AUTS2: variants seen among roughly 807,000 people sequenced by gnomAD.
The protein encoded by AUTS2 is activator of transcription and developmental regulator AUTS2, also known as autism susceptibility gene 2 protein.
Under a neutral mutation model 112.4 loss-of-function variants are expected in AUTS2, and 17 were observed. That is an observed-to-expected ratio of 0.15 (90% CI 0.10 to 0.23). The LOEUF is 0.23. Among genes scored for constraint, AUTS2 ranks in the 10% least tolerant of loss-of-function variants. AUTS2 has a pLI of 1.00. For synonymous variants in AUTS2, 751 were observed against 702.7 expected (o/e 1.07, Z -1.09); for missense variants, 1,510 against 1,701.6 (o/e 0.89, Z 1.98).
chr7:70,565,882 G>A (rs1239248586), intron 5 of AUTS2, among the ~76,000 whole-genome samples: 1 of 152,160 alleles, frequency 6.6e-6, no homozygotes, highest in Non-Finnish European at 1.5e-5. Context: ...CAATAGACAA[G>A]CAAGTTCAAG....
intron 1 of AUTS2, among the ~76,000 whole-genome samples, chr7:69,797,261 G>A (rs1167702274): frequency 6.6e-6 from 1 of 152,096 alleles, no homozygotes; most frequent in African/African-American, 2.4e-5. Context: ...ACTGCTTTGT[G>A]CTTGAGTATT....
At chr7:70,404,026 A>G (rs888837717) in intron 4 of AUTS2, among the ~76,000 whole-genome samples, 10 of 152,230 alleles carry the variant, frequency 6.6e-5, no homozygotes, top group Non-Finnish European at 1.5e-4. Context: ...GAAAAAGAGA[A>G]TTTGAATGTC....
chr7:69,804,246 A>C (rs1790206583), intron 1 of AUTS2, among the ~76,000 whole-genome samples: 1 of 152,154 alleles, frequency 6.6e-6, no homozygotes, highest in Admixed American at 6.5e-5. Context: ...GTGAAACCAT[A>C]ACACACATAT....
At chr7:70,034,869 A>G (rs1053263922) in intron 2 of AUTS2, among the ~76,000 whole-genome samples, 3 of 152,128 alleles carry the variant, frequency 2.0e-5, no homozygotes, top group Non-Finnish European at 2.9e-5. Context: ...GTCTCACTCT[A>G]TCATCAGGCT....
At chr7:69,746,656 G>A (rs2129258797) in intron 1 of AUTS2, among the ~76,000 whole-genome samples, 1 of 152,212 alleles carries the variant, frequency 6.6e-6, no homozygotes. Flanking sequence ...ACGTCAGCCT[G>A]ACTAGAGCAG....
In AUTS2 at chr7:69,701,778, CT is replaced by C. The variant is rs1321617397; in HGVS notation, c.309+101817del. Reference sequence around the variant, plus strand: ...AGGTATTATTATCTCCAGTTTACGACTGAAGAGATGGGGAGTCAAATAGGTT... The same window carrying C: ...AGGTATTATTATCTCCAGTTTACGACGAAGAGATGGGGAGTCAAATAGGTT... On this transcript the variant is annotated intron_variant, in intron 1 of 18. Transcript: ENST00000342771. 2.0e-5 allele frequency among the ~76,000 whole-genome samples: 3 copies of C among 152,280 alleles called. 1 individual carries two copies. In the East Asian group the frequency reaches 5.8e-4, roughly 29 times the overall value.
intron 1 of AUTS2, among the ~76,000 whole-genome samples, chr7:69,748,577 AAG>A (rs768145337): frequency 6.6e-6 from 1 of 152,200 alleles, no homozygotes; most frequent in Admixed American, 6.5e-5. Context: ...GTAGAGATAA[AAG>A]AGAAATTTTG....
At chr7:70,064,588 G>A (rs537348995) in intron 2 of AUTS2, among the ~76,000 whole-genome samples, 29 of 152,276 alleles carry the variant, frequency 1.9e-4, no homozygotes, top group East Asian at 1.5e-3. Flanking sequence ...CTCCAAGTGG[G>A]AGCTGCTTGG....
chr7:69,949,373 C>T (rs1373901353), intron 2 of AUTS2, among the ~76,000 whole-genome samples: 1 of 152,146 alleles, frequency 6.6e-6, no homozygotes, highest in African/African-American at 2.4e-5. Context: ...TCATCCCATC[C>T]AGTTCTCACA....
chr7:70,599,253 C>G (rs1420467043), intron 5 of AUTS2, among the ~76,000 whole-genome samples: 1 of 152,248 alleles, frequency 6.6e-6, no homozygotes, highest in Non-Finnish European at 1.5e-5. Flanking sequence ...AGCTAGGGAG[C>G]ACCTGAAAGG....
intron 1 of AUTS2, among the ~76,000 whole-genome samples, chr7:69,667,487 T>C (rs916016759): frequency 1.3e-5 from 2 of 151,574 alleles, no homozygotes; most frequent in African/African-American, 4.8e-5. Context: ...TCCTGCGTAG[T>C]TGGGATTACA....
intron 4 of AUTS2, among the ~76,000 whole-genome samples, chr7:70,281,233 T>G (rs1788200245): frequency 6.6e-6 from 1 of 152,150 alleles, no homozygotes; most frequent in Non-Finnish European, 1.5e-5. Flanking sequence ...ATTTGTACCT[T>G]GAGATCCTAT....
chr7:70,309,769 G>T (rs1375587427), intron 4 of AUTS2, among the ~76,000 whole-genome samples: 3 of 152,168 alleles, frequency 2.0e-5, no homozygotes, highest in African/African-American at 4.8e-5. Flanking sequence ...AATAGGAAAA[G>T]AAACCATTAT....
At chr7:70,629,677 G>C (rs1400093549) in intron 5 of AUTS2, among the ~76,000 whole-genome samples, 1 of 151,976 alleles carries the variant, frequency 6.6e-6, no homozygotes, top group Non-Finnish European at 1.5e-5. Context: ...GCTGACCCTG[G>C]ATTTACTTAA....
At chr7:70,279,112 C>T (rs546060628) in intron 4 of AUTS2, among the ~76,000 whole-genome samples, 1 of 152,342 alleles carries the variant, frequency 6.6e-6, no homozygotes, top group East Asian at 1.9e-4. Context: ...TCTTCCTCTT[C>T]TCCCCCTGCA....
At chr7:70,120,878 G>A (rs1805645957) in intron 3 of AUTS2, among the ~76,000 whole-genome samples, 2 of 152,070 alleles carry the variant, frequency 1.3e-5, no homozygotes, top group Non-Finnish European at 2.9e-5. Flanking sequence ...ATGGCATAAG[G>A]CCTTAATAAC....
intron 4 of AUTS2, among the ~76,000 whole-genome samples, chr7:70,427,570 G>T (rs572300013): frequency 6.6e-6 from 1 of 152,174 alleles, no homozygotes; most frequent in African/African-American, 2.4e-5. Flanking sequence ...AATACACTTG[G>T]ATTTCAAAGT....
intron 2 of AUTS2, among the ~76,000 whole-genome samples, chr7:70,042,755 G>A (rs1016820086): frequency 6.6e-6 from 1 of 152,162 alleles, no homozygotes; most frequent in Non-Finnish European, 1.5e-5. Flanking sequence ...ATGAATGCTT[G>A]TAAAAGGTCA....
intron 4 of AUTS2, among the ~76,000 whole-genome samples, chr7:70,175,339 T>C (rs1449512762): frequency 6.6e-6 from 1 of 152,242 alleles, no homozygotes; most frequent in Non-Finnish European, 1.5e-5. Flanking sequence ...AGAAAGTGTT[T>C]TCTTGAGATG....
Sources: allele counts gnomAD v4.1 joint callset (sites outside exome capture counted in the v4.1 genomes callset), GRCh38; gene constraint gnomAD v4.1.1; transcripts MANE v1.5; gene names NCBI Gene and HGNC (gene_info 2026-07-23, HGNC 2026-07-21).